Variants in CPQ observed in about 807,000 individuals in gnomAD.
CPQ encodes the protein carboxypeptidase Q.
In CPQ, 37 loss-of-function variants were observed where a neutral mutation model predicts 45.7. The observed-to-expected ratio is 0.81, with a 90% CI of 0.62 to 1.07. The LOEUF (loss-of-function observed/expected upper bound fraction) is 1.07, where lower values mean the gene tolerates loss of function less well. CPQ is among the 50% of genes least tolerant of loss of function. The pLI is 0.00. For synonymous variants in CPQ, 186 were observed against 205.8 expected, an observed-to-expected ratio of 0.90 and a Z score of 0.82; for missense variants, 537 against 572.9, an observed-to-expected ratio of 0.94 and a Z score of 0.64.
At chr8:96,921,350 A>C in intron 4 of CPQ, among the ~76,000 whole-genome samples, 1 of 152,212 alleles carries the variant, frequency 6.6e-6, no homozygotes, top group Non-Finnish European at 1.5e-5. Context: ...CAAATTTGCC[A>C]ATCTCAAAAG....
chr8:96,777,294 C>T (rs1810617197), intron 1 of CPQ, among the ~76,000 whole-genome samples: 2 of 151,930 alleles, frequency 1.3e-5, no homozygotes, highest in Non-Finnish European at 2.9e-5. Flanking sequence ...GAAGTATTCC[C>T]CAAGGTTTGC....
chr8:97,092,975 AAAAC>A (rs1642694344), intron 7 of CPQ: 1 of 152,192 alleles, frequency 6.6e-6, no homozygotes, highest in African/African-American at 2.4e-5. Context: ...CAACAAACTA[AAAAC>A]AAACAATCCC....
At chr8:96,748,582 G>C (rs1338055725) in intron 1 of CPQ, among the ~76,000 whole-genome samples, 1 of 151,840 alleles carries the variant, frequency 6.6e-6, no homozygotes, top group Non-Finnish European at 1.5e-5. Context: ...CCAAGCACTG[G>C]ATTTAGTTTG....
intron 7 of CPQ, 94 bp downstream of exon 7, chr8:97,066,304 C>A: frequency 1.8e-6 from 2 of 1,114,122 alleles, no homozygotes; most frequent in Non-Finnish European, 1.3e-6. Context: ...TACTAGTAGG[C>A]CAGGTTGTCC....
intron 7 of CPQ, among the ~76,000 whole-genome samples, chr8:97,072,215 A>G (rs1810755844): frequency 1.3e-5 from 2 of 152,146 alleles, no homozygotes; most frequent in African/African-American, 4.8e-5. Flanking sequence ...CAACTTCTTG[A>G]GAAGCTGTTT....
chr8:96,777,168 C>T (rs992943757), intron 1 of CPQ, among the ~76,000 whole-genome samples: 7 of 151,886 alleles, frequency 4.6e-5, no homozygotes, highest in South Asian at 2.1e-4. Context: ...AGATGTTTTT[C>T]GCAGCATTAT....
chr8:97,038,581 T>TA (rs1193092334), intron 6 of CPQ, among the ~76,000 whole-genome samples: 2 of 152,158 alleles, frequency 1.3e-5, no homozygotes, highest in Non-Finnish European at 2.9e-5. Flanking sequence ...ACTGGGGCCT[T>TA]ACTAAGTTAC....
intron 2 of CPQ, among the ~76,000 whole-genome samples, chr8:96,824,697 C>T (rs915279652): frequency 6.6e-6 from 1 of 151,898 alleles, no homozygotes; most frequent in African/African-American, 2.4e-5. Flanking sequence ...ATTACCATAG[C>T]GTATGTGCCT....
At chr8:97,075,210 A>G (rs944079866) in intron 7 of CPQ, among the ~76,000 whole-genome samples, 1 of 152,182 alleles carries the variant, frequency 6.6e-6, no homozygotes, top group Admixed American at 6.5e-5. Flanking sequence ...CATTGTATGT[A>G]CTATAATGAC....
At chr8:96,971,526 C>T (rs1027872580) in intron 5 of CPQ, among the ~76,000 whole-genome samples, 26 of 152,058 alleles carry the variant, frequency 1.7e-4, no homozygotes, top group Non-Finnish European at 3.2e-4. Context: ...ATGAACTCTC[C>T]CTATTGCCAT....
At chr8:96,755,136 C>T (rs1810313860) in intron 1 of CPQ, among the ~76,000 whole-genome samples, 1 of 151,878 alleles carries the variant, frequency 6.6e-6, no homozygotes, top group Non-Finnish European at 1.5e-5. Context: ...ATATTCAAGT[C>T]TATCAATTTG....
chr8:97,119,117 T>A (rs563588821), intron 7 of CPQ, among the ~76,000 whole-genome samples: 4 of 151,914 alleles, frequency 2.6e-5, no homozygotes, highest in Admixed American at 1.3e-4. Context: ...TCACCTGAGG[T>A]CAGGAGTTAA....
intron 4 of CPQ, among the ~76,000 whole-genome samples, chr8:96,895,914 T>G (rs1812436250): frequency 6.6e-6 from 1 of 152,186 alleles, no homozygotes; most frequent in Non-Finnish European, 1.5e-5. Flanking sequence ...TTTGCAAAAT[T>G]ACAATATTTC....
intron 1 of CPQ, among the ~76,000 whole-genome samples, chr8:96,698,670 G>C (rs1481280090): frequency 6.6e-6 from 1 of 152,040 alleles, no homozygotes; most frequent in Non-Finnish European, 1.5e-5. Context: ...ATAATATTAT[G>C]AAAAATGGGC....
intron 6 of CPQ, among the ~76,000 whole-genome samples, chr8:97,050,600 C>A (rs1420908814): frequency 1.3e-5 from 2 of 152,116 alleles, no homozygotes; most frequent in Non-Finnish European, 2.9e-5. Flanking sequence ...CGTGGTGGTG[C>A]ACATCTGTAA....
chr8:96,926,570 C>CTCTTTCTCTTCTTCT, intron 4 of CPQ, among the ~76,000 whole-genome samples: 1 of 46,654 alleles, frequency 2.1e-5, no homozygotes, highest in Non-Finnish European at 3.9e-5. Context: ...CTTCCTCTTC[C>CTCTTTCTCTTCTTCT]TCTTCCTCTT....
intron 3 of CPQ, among the ~76,000 whole-genome samples, chr8:96,838,636 G>C (rs775636399): frequency 2.0e-5 from 3 of 151,966 alleles, no homozygotes; most frequent in Non-Finnish European, 2.9e-5. Flanking sequence ...TAGACTCTAA[G>C]TTCCAGAAAG....
rs916133802 is a variant in CPQ, at chr8:96,743,473, G to A, written c.-34-41391G>A. The stretch of plus-strand genomic sequence containing the variant: ...GATCATCTGAAGCCTTCTTCTCTCA[G>A]CTCGTCAAAGTCATTCTCCATCCAG... On this transcript the variant is annotated intron_variant, in intron 1 of 7. Coordinates refer to ENST00000220763, the MANE Select transcript of CPQ (RefSeq NM_016134.4). 3.3e-5 allele frequency among the ~76,000 whole-genome samples: 5 copies of A among 152,208 alleles called. No homozygotes were observed. The South Asian group carries it at 6.2e-4, about 19-fold the overall frequency.
In CPQ at chr8:96,858,443, G is replaced by GTTAGT. The variant is rs1811881996; in HGVS notation, c.642-21354_642-21353insTAGTT. 2.0e-5 allele frequency among the ~76,000 whole-genome samples: 3 copies of GTTAGT among 151,926 alleles called. No homozygotes were observed. The South Asian group carries it at 6.2e-4, about 31-fold the overall frequency. On this transcript the variant is annotated intron_variant, in intron 3 of 7. Coordinates refer to ENST00000220763, the MANE Select transcript of CPQ (RefSeq NM_016134.4). Reference sequence around the variant, plus strand: ...ACTTCTGGGTTCCTTGCACAGCAGCGTCTGATATCCTGCATGTTAGTTCTT... The same window carrying GTTAGT: ...ACTTCTGGGTTCCTTGCACAGCAGCGTTAGTTCTGATATCCTGCATGTTAGTTCTT...
Sources: allele counts gnomAD v4.1 joint callset (sites outside exome capture counted in the v4.1 genomes callset), GRCh38; gene constraint gnomAD v4.1.1; transcripts MANE v1.5; gene names NCBI Gene and HGNC (gene_info 2026-07-23, HGNC 2026-07-21).